TMPRSS15: variants seen among roughly 807,000 people sequenced by gnomAD.
TMPRSS15 encodes enteropeptidase.
A neutral mutation model predicts 125.3 loss-of-function variants in TMPRSS15; 128 were observed. The ratio of observed to expected loss-of-function variants is 1.02; its 90% CI spans 0.89 to 1.18. The LOEUF is 1.18. Among genes scored for constraint, TMPRSS15 ranks in the 50% most tolerant of loss-of-function variants. The pLI, the probability that TMPRSS15 is intolerant of heterozygous loss-of-function variation, is 0.00. For synonymous variants in TMPRSS15, 446 were observed against 423.2 expected (o/e 1.05, Z -0.66); for missense variants, 1,283 against 1,212.7 (o/e 1.06, Z -0.86).
chr21:18,473,588 G>T (rs1049878500), intron 1 of TMPRSS15, among the ~76,000 whole-genome samples: 1 of 151,806 alleles, frequency 6.6e-6, no homozygotes, highest in Non-Finnish European at 1.5e-5. Flanking sequence ...CATTCACAGG[G>T]TTACCTGTTT....
intron 3 of TMPRSS15, 111 bp from the exon 4 acceptor site, chr21:18,383,889 T>C: frequency 7.8e-7 from 1 of 1,276,030 alleles, no homozygotes; most frequent in Middle Eastern, 1.8e-4. Context: ...TCTTGCTAAT[T>C]CTCATTATAC....
At chr21:18,413,312 T>TTTCCTCCC (rs2076171637) in intron 1 of TMPRSS15, among the ~76,000 whole-genome samples, 2 of 94,798 alleles carry the variant, frequency 2.1e-5, no homozygotes, top group East Asian at 3.2e-4. Flanking sequence ...TTTTCTTTCT[T>TTTCCTCCC]TTCCTTCCTT....
At chr21:18,359,684 A>G (rs2075660357) in intron 8 of TMPRSS15, 73 bp downstream of exon 8, 2 of 719,922 alleles carry the variant, frequency 2.8e-6, no homozygotes, top group South Asian at 3.1e-5. Context: ...AATCAAAGGG[A>G]AAACATACCA....
At position 18,432,460 on chromosome 21, in the gene TMPRSS15, T is replaced by C. The variant is rs555962794; in HGVS notation, c.11-34131A>G. Reference sequence around the variant, plus strand: ...GCCACCTTGTTAGGAAACAGGGTCATTGCAGATGTAACTAGTGAAATTAAG... The same window carrying C: ...GCCACCTTGTTAGGAAACAGGGTCACTGCAGATGTAACTAGTGAAATTAAG... On this transcript the variant is annotated intron_variant, in intron 1 of 7. Transcript: ENST00000422787. Among the ~76,000 whole-genome samples, 3 of 152,172 alleles carry C rather than the reference T, an allele frequency of 2.0e-5. 1 individual carries two copies. The highest frequency in any genetic ancestry group is 1.3e-4 in the Admixed American group (2 of 15,268).
rs191620495 is a variant in TMPRSS15 at position 18,364,787 on chromosome 21, A to G, written c.773+353T>C. Among the ~76,000 whole-genome samples the G allele has an allele frequency of 3.9e-4, 60 of 152,288 alleles. No homozygotes were observed. The East Asian group carries it at 0.011, about 28-fold the overall frequency. On this transcript the variant is annotated intron_variant, in intron 7 of 24. Transcript: ENST00000284885. ...TAAGCAGCAAAATGAGAAAGAAAAT[A>G]TTTTATAGACAAATGCAGAAGATGC...
intron 7 of TMPRSS15, among the ~76,000 whole-genome samples, chr21:18,363,376 G>T (rs181378771): frequency 6.6e-6 from 1 of 151,938 alleles, no homozygotes; most frequent in Non-Finnish European, 1.5e-5. Context: ...ATTAATATAG[G>T]ATAATTTTTG....
At chr21:18,407,136 C>T (rs1290950229), upstream of TMPRSS15, among the ~76,000 whole-genome samples, 1 of 152,028 alleles carries the variant, frequency 6.6e-6, no homozygotes. Context: ...AATAGAAAAT[C>T]CGTATGATGG....
intron 13 of TMPRSS15, among the ~76,000 whole-genome samples, chr21:18,339,438 T>C (rs953159134): frequency 1.3e-5 from 2 of 152,228 alleles, no homozygotes; most frequent in African/African-American, 2.4e-5. Context: ...CTGCTTTTTT[T>C]CCTTGAAGAT....
chr21:18,374,789 G>A (rs1005074461), intron 5 of TMPRSS15, among the ~76,000 whole-genome samples: 1 of 151,984 alleles, frequency 6.6e-6, no homozygotes, highest in African/African-American at 2.4e-5. Flanking sequence ...GAAAGATGAG[G>A]GCTAGAACTC....
chr21:18,457,284 G>A (rs559429827), intron 1 of TMPRSS15, among the ~76,000 whole-genome samples: 4 of 152,074 alleles, frequency 2.6e-5, no homozygotes, highest in African/African-American at 9.7e-5. Flanking sequence ...CATGTGAATG[G>A]TGTCAGTCTT....
intron 24 of TMPRSS15, among the ~76,000 whole-genome samples, chr21:18,274,095 T>A (rs2074591811): frequency 6.6e-6 from 1 of 152,222 alleles, no homozygotes; most frequent in African/African-American, 2.4e-5. Context: ...TGCTAGCAGG[T>A]TTAATCCAGC....
At chr21:18,471,766 C>T (rs1159394822) in intron 1 of TMPRSS15, among the ~76,000 whole-genome samples, 1 of 152,184 alleles carries the variant, frequency 6.6e-6, no homozygotes, top group South Asian at 2.1e-4. Flanking sequence ...GTTGTCTGCT[C>T]CTGTAGATCT....
intron 1 of TMPRSS15, among the ~76,000 whole-genome samples, chr21:18,480,177 G>A (rs190222989): frequency 1.3e-5 from 2 of 152,078 alleles, no homozygotes; most frequent in East Asian, 3.9e-4. Flanking sequence ...TCATAAGTGG[G>A]AGCTGAATAT....
chr21:18,384,365 A>G (rs536343146), intron 3 of TMPRSS15, among the ~76,000 whole-genome samples: 32 of 152,260 alleles, frequency 2.1e-4, no homozygotes, highest in Non-Finnish European at 4.3e-4. Context: ...ATCTGGGTCT[A>G]TTAGGGATTC....
chr21:18,374,833 A>G (rs965133209), intron 5 of TMPRSS15, among the ~76,000 whole-genome samples: 4 of 152,134 alleles, frequency 2.6e-5, no homozygotes, highest in African/African-American at 9.7e-5. Context: ...CATGGACTCA[A>G]TTACTACTTT....
At chr21:18,420,954 C>T (rs1370228668) in intron 1 of TMPRSS15, among the ~76,000 whole-genome samples, 1 of 152,146 alleles carries the variant, frequency 6.6e-6, no homozygotes, top group African/African-American at 2.4e-5. Flanking sequence ...AATGTTGAAT[C>T]ACTCTAGATT....
chr21:18,369,207 AC>A (rs2075768071), intron 6 of TMPRSS15, among the ~76,000 whole-genome samples: 1 of 152,174 alleles, frequency 6.6e-6, no homozygotes, highest in Admixed American at 6.5e-5. Context: ...AGCACTTAGG[AC>A]CCACGAAGAA....
At chr21:18,304,332 C>T (rs1030737890) in intron 18 of TMPRSS15, among the ~76,000 whole-genome samples, 5 of 151,982 alleles carry the variant, frequency 3.3e-5, no homozygotes, top group Non-Finnish European at 7.4e-5. Context: ...TTTGGGGATG[C>T]TTTGTATAAC....
intron 15 of TMPRSS15, among the ~76,000 whole-genome samples, chr21:18,327,968 G>A (rs922148261): frequency 2.0e-5 from 3 of 152,012 alleles, no homozygotes; most frequent in Non-Finnish European, 4.4e-5. Flanking sequence ...CAGGAGGATC[G>A]CTTAAACCAA....
Sources: allele counts gnomAD v4.1 joint callset (sites outside exome capture counted in the v4.1 genomes callset), GRCh38; gene constraint gnomAD v4.1.1; transcripts MANE v1.5; gene names NCBI Gene and HGNC (gene_info 2026-07-23, HGNC 2026-07-21).